Variants in HIVEP3 observed in about 807,000 individuals in gnomAD.
HIVEP3 encodes the protein HIVEP zinc finger 3, also known as transcription factor HIVEP3.
A neutral mutation model predicts 152.8 loss-of-function variants in HIVEP3; 49 were observed. That is an observed-to-expected ratio of 0.32 (90% CI 0.26 to 0.41). HIVEP3 has a LOEUF of 0.41. Among genes scored for constraint, HIVEP3 ranks in the 10% least tolerant of loss-of-function variants. The probability of loss-of-function intolerance (pLI) is 1.00; values close to 1 mark genes in which losing one functional copy is unlikely to be tolerated. For synonymous variants in HIVEP3, 1,269 were observed against 1,289.0 expected, an observed-to-expected ratio of 0.98 and a Z score of 0.33; for missense variants, 2,790 against 3,103.3, an observed-to-expected ratio of 0.90 and a Z score of 2.40.
chr1:41,600,841 T>C (rs1248367414), intron 3 of HIVEP3, among the ~76,000 whole-genome samples: 1 of 152,200 alleles, frequency 6.6e-6, no homozygotes, highest in Non-Finnish European at 1.5e-5. Context: ...CTATGTTTTC[T>C]TCTAGGAGTT....
chr1:41,896,905 C>T lies in HIVEP3; in HGVS notation c.-801+21508G>A, dbSNP rs1345919891. 2.0e-5 allele frequency among the ~76,000 whole-genome samples: 3 copies of T among 152,122 alleles called. No individual in the cohort carries two copies. The East Asian group carries it at 5.8e-4, about 29-fold the overall frequency. ...TGCTTTTTAATGAACTCCAGTTCTCCTGTCTCAAAGAGGTCTATCACATGG... is the reference window on the plus strand; with the variant it reads ...TGCTTTTTAATGAACTCCAGTTCTCTTGTCTCAAAGAGGTCTATCACATGG... On this transcript the variant is annotated intron_variant, in intron 1 of 8. Transcript: ENST00000372583.
chr1:41,780,665 G>A (rs188275954), intron 1 of HIVEP3, among the ~76,000 whole-genome samples: 3 of 152,304 alleles, frequency 2.0e-5, no homozygotes, highest in African/African-American at 7.2e-5. Flanking sequence ...ATGCAGGACC[G>A]AACTGGAGGT....
chr1:41,549,516 C>T (rs1342966968), intron 5 of HIVEP3, among the ~76,000 whole-genome samples: 12 of 152,174 alleles, frequency 7.9e-5, no homozygotes, highest in Non-Finnish European at 1.6e-4. Flanking sequence ...CCTATTTCTC[C>T]ACATCCTCTC....
chr1:41,900,285 T>C (rs530511989), intron 1 of HIVEP3, among the ~76,000 whole-genome samples: 2 of 152,290 alleles, frequency 1.3e-5, no homozygotes, highest in African/African-American at 4.8e-5. Flanking sequence ...ATGAGAATCC[T>C]AACATAGCTA....
chr1:41,604,565 G>A (rs1457445124), intron 3 of HIVEP3, among the ~76,000 whole-genome samples: 1 of 152,160 alleles, frequency 6.6e-6, no homozygotes, highest in Non-Finnish European at 1.5e-5. Context: ...GCTTGCTGAG[G>A]AGACTTCATC....
At chr1:41,692,851 C>T (rs974044460) in intron 2 of HIVEP3, among the ~76,000 whole-genome samples, 4 of 152,208 alleles carry the variant, frequency 2.6e-5, no homozygotes, top group Admixed American at 6.5e-5. Context: ...CAGTAGCTCC[C>T]TATTGATGGA....
chr1:41,797,614 C>T (rs1034776552), intron 1 of HIVEP3, among the ~76,000 whole-genome samples: 5 of 152,118 alleles, frequency 3.3e-5, no homozygotes, highest in Non-Finnish European at 5.9e-5. Context: ...GTCCCAAGTC[C>T]GGAAAAGCTA....
chr1:41,573,033 A>T (rs942378138), intron 5 of HIVEP3, among the ~76,000 whole-genome samples: 2 of 152,214 alleles, frequency 1.3e-5, no homozygotes, highest in Non-Finnish European at 2.9e-5. Flanking sequence ...GGGTGGAACC[A>T]TTGTTTTCTT....
At chr1:41,849,365 C>T (rs1643531574) in intron 1 of HIVEP3, among the ~76,000 whole-genome samples, 1 of 152,168 alleles carries the variant, frequency 6.6e-6, no homozygotes, top group Non-Finnish European at 1.5e-5. Context: ...TGGAAACTAA[C>T]CATGCACAAA....
intron 1 of HIVEP3, among the ~76,000 whole-genome samples, chr1:41,738,370 C>G (rs181633127): frequency 2.0e-5 from 3 of 152,110 alleles, no homozygotes; most frequent in Non-Finnish European, 4.4e-5. Context: ...CATGGGGTAG[C>G]GGGGCATCTT....
In HIVEP3 at chr1:41,618,047, C is replaced by T. The variant is rs142112419; in HGVS notation, c.-522+10702G>A. Among the ~76,000 whole-genome samples the T allele has an allele frequency of 2.1e-3, 326 of 152,320 alleles. 1 individual carries two copies. The highest frequency in any genetic ancestry group is 4.8e-3 in the South Asian group (23 of 4,830). On this transcript the variant is annotated intron_variant, in intron 3 of 8. Coordinates refer to ENST00000372583, the MANE Select transcript of HIVEP3 (RefSeq NM_024503.5). ...CTGCTGGTTCCTAGGAACCATCTTA[C>T]TAGAAAGGCGTAGTGTAAATATTTT...
chr1:41,831,392 G>C (rs1642961224), intron 1 of HIVEP3, among the ~76,000 whole-genome samples: 2 of 152,186 alleles, frequency 1.3e-5, no homozygotes, highest in African/African-American at 4.8e-5. Flanking sequence ...AATTGTGACA[G>C]CTCCAGCATC....
At chr1:41,889,793 A>G (rs1644418749) in intron 1 of HIVEP3, among the ~76,000 whole-genome samples, 1 of 152,192 alleles carries the variant, frequency 6.6e-6, no homozygotes, top group South Asian at 2.1e-4. Context: ...GACACTCCCA[A>G]GGTGATGGCT....
chr1:42,011,490 T>G (rs1365263415), intron 1 of HIVEP3, among the ~76,000 whole-genome samples: 2 of 152,240 alleles, frequency 1.3e-5, no homozygotes, highest in African/African-American at 4.8e-5. Flanking sequence ...CTGGGTAAAA[T>G]TAATCATTTC....
In HIVEP3 at chr1:41,943,382, C is replaced by T. The variant is rs898433868; in HGVS notation, n.120-24858G>A. 1.1e-4 allele frequency among the ~76,000 whole-genome samples: 17 copies of T among 152,224 alleles called. No homozygotes were observed. In the South Asian group the frequency reaches 3.5e-3, roughly 32 times the overall value. ...AGTTCAAAATCATGTAAATGTTTTG[C>T]ATAATTTTAAAAAATTAAATAGAAA... On this transcript the variant is annotated intron_variant and non_coding_transcript_variant, in intron 1 of 3. Transcript: ENST00000489103.
intron 2 of HIVEP3, among the ~76,000 whole-genome samples, chr1:41,631,791 A>T (rs1645199039): frequency 6.6e-6 from 1 of 152,036 alleles, no homozygotes; most frequent in Admixed American, 6.6e-5. Flanking sequence ...ATCTGACCTC[A>T]TGCCCTCCAA....
rs199776093 is a variant in HIVEP3 at position 41,797,977 on chromosome 1, T to TA, written c.-800-96983dup. ...CCTGGCAACAGAGCAAGACTCCATC[T>TA]AAAAAAAAACAAAAACGAAAACAAA... is the stretch of plus-strand genomic sequence containing the variant. On this transcript the variant is annotated intron_variant, in intron 1 of 8. Coordinates refer to ENST00000372583, the MANE Select transcript of HIVEP3 (RefSeq NM_024503.5). Among the ~76,000 whole-genome samples, 196 of 150,208 alleles carry TA rather than the reference T, an allele frequency of 1.3e-3. 1 individual carries two copies. Among genetic ancestry groups the TA allele is most frequent in the African/African-American group, 4.3e-3 (174 of 40,838 alleles).
chr1:42,025,906 C>CA (rs1405457396), intron 1 of HIVEP3, among the ~76,000 whole-genome samples: 2 of 151,900 alleles, frequency 1.3e-5, no homozygotes, highest in Non-Finnish European at 2.9e-5. Context: ...CCTGTCTCTA[C>CA]AAAAAATATA....
At chr1:41,807,779 G>T (rs150725957) in intron 1 of HIVEP3, among the ~76,000 whole-genome samples, 1 of 152,326 alleles carries the variant, frequency 6.6e-6, no homozygotes, top group East Asian at 1.9e-4. Flanking sequence ...ATTTCATGAC[G>T]GTTGTGATGC....
Sources: gnomAD v4.1 joint callset for allele counts (sites outside exome capture counted in the v4.1 genomes callset) on GRCh38, gnomAD v4.1.1 for gene constraint, MANE v1.5 for transcripts, NCBI Gene and HGNC (gene_info 2026-07-23, HGNC 2026-07-21) for gene names.